The following NBAS variants were observed in gnomAD, a reference collection of about 807,000 sequenced individuals.
NBAS encodes the protein NBAS subunit of NRZ tethering complex.
NBAS carries 219 observed loss-of-function variants against 302.5 expected under a neutral mutation model. The observed-to-expected ratio is 0.72, with a 90% CI of 0.65 to 0.81. NBAS has a LOEUF of 0.81. NBAS is among the 30% of genes least tolerant of loss of function. The probability of loss-of-function intolerance (pLI) is 0.00; values close to 1 mark genes in which losing one functional copy is unlikely to be tolerated. For missense variants in NBAS, 2,932 were observed against 2,841.6 expected (o/e 1.03, Z -0.72); for synonymous variants, 1,118 against 1,021.6 (o/e 1.09, Z -1.80).
chr2:14,933,309 T>C, the NBAS span, among the ~76,000 whole-genome samples: 84 of 152,342 alleles, frequency 5.5e-4, no homozygotes, highest in Admixed American at 1.3e-4. Context: ...AAATTTACCC[T>C]TTAATATCAA....
the NBAS span, among the ~76,000 whole-genome samples, chr2:15,126,808 C>T: frequency 6.6e-6 from 1 of 152,230 alleles, no homozygotes; most frequent in African/African-American, 2.4e-5. Context: ...ATATCATACA[C>T]TCTGCTAAGC....
In NBAS at chr2:15,536,426, G is replaced by T; in HGVS notation, c.639C>A (p.Tyr213Ter). 1 of 1,613,158 alleles carries T rather than the reference G, an allele frequency of 6.2e-7. No homozygotes were observed. ...CCAAAGCACATTTTTACCTTACAAGGTAACTTCTAAGTTCTCCTCGGTAAT... is the reference window on the plus strand; with the variant it reads ...CCAAAGCACATTTTTACCTTACAAGTTAACTTCTAAGTTCTCCTCGGTAAT... ...VINYRGELRS[Y>*]LVSVGTNQSY... The change falls in exon 8 of 52, where the codon TAC (tyrosine) becomes TAA (stop). Residue 213 changes from tyrosine to a stop codon, truncating the protein, a stop_gained. Transcript: ENST00000281513. LOFTEE classifies it high-confidence loss of function.
chr2:14,805,684 T>C, the NBAS span, among the ~76,000 whole-genome samples: 1 of 152,126 alleles, frequency 6.6e-6, no homozygotes, highest in Non-Finnish European at 1.5e-5. Flanking sequence ...TTCTATCCCT[T>C]CACCAGTGCT....
At chr2:15,471,258 A>T (rs1157256399) in intron 16 of NBAS, among the ~76,000 whole-genome samples, 1 of 152,088 alleles carries the variant, frequency 6.6e-6, no homozygotes. Context: ...TAGTGTTTTG[A>T]TTTTCTAAAG....
intron 11 of NBAS, among the ~76,000 whole-genome samples, chr2:15,500,939 A>T (rs1661512713): frequency 2.6e-5 from 4 of 152,006 alleles, no homozygotes; most frequent in Admixed American, 1.3e-4. Flanking sequence ...AAAGAAAAAA[A>T]AGAAAAGATC....
intron 44 of NBAS, among the ~76,000 whole-genome samples, chr2:15,257,541 T>A (rs1041158909): frequency 9.2e-5 from 14 of 152,064 alleles, no homozygotes; most frequent in African/African-American, 3.1e-4. Flanking sequence ...TGCAAAAGCC[T>A]GCCACCACAC....
the NBAS span, among the ~76,000 whole-genome samples, chr2:14,806,093 T>A: frequency 6.6e-6 from 1 of 152,170 alleles, no homozygotes; most frequent in Admixed American, 6.5e-5. Context: ...CCTGGGGAGC[T>A]TGTTAAAACA....
chr2:15,091,775 T>C, the NBAS span, among the ~76,000 whole-genome samples: 1 of 152,222 alleles, frequency 6.6e-6, no homozygotes. Flanking sequence ...TCAAATGATC[T>C]GCCAGCCTCG....
chr2:15,034,296 G>GAAAGAAAGAA, the NBAS span, among the ~76,000 whole-genome samples: 2,948 of 102,324 alleles, frequency 0.029, 142 homozygotes, highest in African/African-American at 0.035. Context: ...AAGAAAGAAA[G>GAAAGAAAGAA]AAAGAAAGAT....
At chr2:15,408,676 A>C (rs890098112) in intron 25 of NBAS, among the ~76,000 whole-genome samples, 1 of 152,232 alleles carries the variant, frequency 6.6e-6, no homozygotes, top group African/African-American at 2.4e-5. Context: ...GCAGTATACT[A>C]TGTGGCTTAA....
At position 15,379,623 on chromosome 2, in the gene NBAS, T is replaced by A; in HGVS notation, c.3569A>T (p.Asp1190Val). 1 of 1,613,858 alleles carries A rather than the reference T, an allele frequency of 6.2e-7. No homozygotes were observed. Among genetic ancestry groups the A allele is most frequent in the Non-Finnish European group, 8.5e-7 (1 of 1,179,926 alleles). The change falls in exon 30 of 52, where the codon GAT becomes GTT. Residue 1190 changes from aspartate (D) to valine (V), a missense_variant. Transcript: ENST00000281513. ...EYFNSSTNLT[D>V]SCMDLARCCL... is the part of the protein sequence containing the mutation. ...CTACCTGGCTAGATCCATGCAGCTA[T>A]CAGTGAGGTTGGTAGAAGAATTGAA...
the NBAS span, among the ~76,000 whole-genome samples, chr2:15,127,516 C>A: frequency 6.6e-6 from 1 of 151,856 alleles, no homozygotes; most frequent in African/African-American, 2.4e-5. Flanking sequence ...GCTACTGAGG[C>A]CTGGCAAGGA....
chr2:15,047,218 T>C, the NBAS span, among the ~76,000 whole-genome samples: 1 of 152,250 alleles, frequency 6.6e-6, no homozygotes, highest in South Asian at 2.1e-4. Flanking sequence ...AATTGTTTTA[T>C]TGCCTGAATA....
At chr2:15,552,719 T>C (rs550933652) in intron 5 of NBAS, among the ~76,000 whole-genome samples, 1 of 152,158 alleles carries the variant, frequency 6.6e-6, no homozygotes, top group Non-Finnish European at 1.5e-5. Context: ...TGGTCTCAAG[T>C]AATACGTAAC....
chr2:15,327,961 C>T (rs928532324), intron 37 of NBAS, 91 bp from the exon 38 acceptor site: 2 of 1,533,442 alleles, frequency 1.3e-6, no homozygotes, highest in Non-Finnish European at 1.8e-6. Flanking sequence ...GTTATGTTTT[C>T]TGGTGACTTG....
chr2:15,428,146 G>T (rs1166701202), intron 21 of NBAS, among the ~76,000 whole-genome samples: 1 of 152,104 alleles, frequency 6.6e-6, no homozygotes, highest in East Asian at 1.9e-4. Context: ...AAGCTGTTGG[G>T]GCAGAGTAGT....
At chr2:14,876,894 C>T in the NBAS span, among the ~76,000 whole-genome samples, 1 of 152,222 alleles carries the variant, frequency 6.6e-6, no homozygotes, top group Non-Finnish European at 1.5e-5. Context: ...CACTTGGTCA[C>T]ATGTATTTCA....
At chr2:15,520,678 TA>T (rs1260247462) in intron 9 of NBAS, among the ~76,000 whole-genome samples, 2 of 152,122 alleles carry the variant, frequency 1.3e-5, no homozygotes, top group African/African-American at 2.4e-5. Flanking sequence ...TCTTTCTTTA[TA>T]AACACAGAAA....
chr2:15,062,005 C>G, the NBAS span, among the ~76,000 whole-genome samples: 2 of 152,118 alleles, frequency 1.3e-5, no homozygotes, highest in African/African-American at 4.8e-5. Flanking sequence ...CAGCCGAGAC[C>G]CCAAGAAGCA....
Sources: gnomAD v4.1 joint callset for allele counts (sites outside exome capture counted in the v4.1 genomes callset) on GRCh38, gnomAD v4.1.1 for gene constraint, MANE v1.5 for transcripts, NCBI Gene and HGNC (gene_info 2026-07-23, HGNC 2026-07-21) for gene names.